Variants in MAPT observed in about 807,000 individuals in gnomAD.
The protein encoded by MAPT is microtubule associated protein tau, also known as microtubule-associated protein tau.
In MAPT, 34 loss-of-function variants were observed where a neutral mutation model predicts 67.9. The ratio of observed to expected loss-of-function variants is 0.50; its 90% CI spans 0.38 to 0.67. MAPT has a LOEUF of 0.67. MAPT is among the 30% of genes least tolerant of loss of function. The pLI, the probability that MAPT is intolerant of heterozygous loss-of-function variation, is 0.00. For synonymous variants in MAPT, 456 were observed against 464.5 expected (o/e 0.98, Z 0.23); for missense variants, 881 against 1,115.2 (o/e 0.79, Z 2.99).
intron 3 of MAPT, among the ~76,000 whole-genome samples, chr17:45,972,381 G>A (rs552718190): frequency 5.6e-4 from 86 of 152,308 alleles, no homozygotes; most frequent in African/African-American, 2.0e-3. Flanking sequence ...TGGGCCTCTG[G>A]ACTTTGGCCA....
chr17:45,978,622 C>G (rs1315646877), intron 4 of MAPT, 182 bp downstream of exon 4: 1 of 593,264 alleles, frequency 1.7e-6, no homozygotes, highest in African/African-American at 1.9e-5. Flanking sequence ...TGGTTTTTTT[C>G]TAATACCATT....
At chr17:45,927,293 G>A (rs2066432820) in intron 1 of MAPT, among the ~76,000 whole-genome samples, 1 of 152,112 alleles carries the variant, frequency 6.6e-6, no homozygotes, top group Admixed American at 6.5e-5. Context: ...TGTTGGGGAA[G>A]GGGGTAGTCG....
At chr17:45,973,226 C>G (rs1271097640) in intron 3 of MAPT, 1 of 152,210 alleles carries the variant, frequency 6.6e-6, no homozygotes, top group Admixed American at 6.5e-5. Flanking sequence ...AGGCATGGGC[C>G]TTGCCGCTGA....
Position 45,982,033 on chromosome 17 carries a change from A to AG in MAPT, c.287-832dup, listed in dbSNP as rs1555705388. 1.5e-3 allele frequency among the ~76,000 whole-genome samples: 216 copies of AG among 145,850 alleles called. 4 individuals are homozygous for AG. The highest frequency in any genetic ancestry group is 5.2e-3 in the African/African-American group (207 of 40,192). On this transcript the variant is annotated intron_variant, in intron 4 of 12. Transcript: ENST00000262410. ...GACCCTGTCTCAAAAAAAAAAAAAA[A>AG]GAAAGAAAGAAAGGAAAAAAAAAAC...
intron 1 of MAPT, among the ~76,000 whole-genome samples, chr17:45,946,635 T>TAC (rs2068544292): frequency 9.6e-5 from 13 of 135,886 alleles, no homozygotes; most frequent in African/African-American, 2.7e-4. Flanking sequence ...TATATATATA[T>TAC]ATATGTCAAA....
At chr17:45,997,860 A>G (rs1568307388) in intron 9 of MAPT, among the ~76,000 whole-genome samples, 1 of 152,110 alleles carries the variant, frequency 6.6e-6, no homozygotes. Flanking sequence ...CCTGTCTCCA[A>G]ATAGAGTCAC....
chr17:45,920,612 C>G (rs543266846), intron 1 of MAPT, among the ~76,000 whole-genome samples: 12 of 152,234 alleles, frequency 7.9e-5, no homozygotes, highest in African/African-American at 2.9e-4. Flanking sequence ...CCTTGACCCT[C>G]CCTGGCCTTC....
intron 1 of MAPT, among the ~76,000 whole-genome samples, chr17:45,928,170 A>T (rs934888440): frequency 3.9e-5 from 6 of 152,136 alleles, no homozygotes; most frequent in African/African-American, 1.2e-4. Context: ...GACAAACAAG[A>T]TCCCAAATTC....
At chr17:46,008,607 T>A (rs1459636706) in intron 9 of MAPT, among the ~76,000 whole-genome samples, 1 of 152,218 alleles carries the variant, frequency 6.6e-6, no homozygotes, top group African/African-American at 2.4e-5. Flanking sequence ...CATAGTCTTT[T>A]GAAGGAACAT....
intron 1 of MAPT, among the ~76,000 whole-genome samples, chr17:45,911,974 C>T (rs2144162104): frequency 6.6e-6 from 1 of 152,256 alleles, no homozygotes; most frequent in East Asian, 1.9e-4. Context: ...AAGCCAAATG[C>T]CTTAGATTCT....
intron 1 of MAPT, among the ~76,000 whole-genome samples, chr17:45,919,902 G>A (rs1272722942): frequency 1.3e-5 from 2 of 152,224 alleles, no homozygotes; most frequent in Admixed American, 6.5e-5. Context: ...AACAGAATGA[G>A]ATCCTGTCTC....
At chr17:45,948,197 G>A (rs1197720929) in intron 1 of MAPT, among the ~76,000 whole-genome samples, 2 of 152,052 alleles carry the variant, frequency 1.3e-5, no homozygotes, top group South Asian at 4.1e-4. Context: ...GTAGAGACAG[G>A]GTTTCTCAAT....
intron 8 of MAPT, chr17:45,994,091 G>T (rs985124431): frequency 2.4e-5 from 24 of 1,009,242 alleles, no homozygotes; most frequent in Non-Finnish European, 3.5e-5. Flanking sequence ...GTTCACACAG[G>T]GTTCGCAGCC....
chr17:45,941,700 T>C (rs796521719), intron 1 of MAPT, among the ~76,000 whole-genome samples: 24 of 82,130 alleles, frequency 2.9e-4, no homozygotes, highest in African/African-American at 4.1e-4. Flanking sequence ...CCTTCCTTCC[T>C]GCCTGCCTTC....
chr17:45,990,174 A>G lies in MAPT; in HGVS notation c.1605+99A>G, dbSNP rs574650133. The G allele has an allele frequency of 1.1e-5, 12 of 1,116,916 alleles. No individual in the cohort carries two copies. In the East Asian group the frequency reaches 2.2e-4, roughly 20 times the overall value. 69.2% of individuals were successfully genotyped at this position (1,116,916 alleles called of 1,614,324 possible). ...TTTTAGCCTCAAAGACCTTTCTTCA[A>G]ATGAGTTCTGGCATAGAAGCACCGT... On this transcript the variant is annotated intron_variant, in intron 7 of 12. Transcript: ENST00000262410.
intron 1 of MAPT, among the ~76,000 whole-genome samples, chr17:45,905,211 C>A (rs2064225151): frequency 6.6e-6 from 1 of 152,176 alleles, no homozygotes; most frequent in Non-Finnish European, 1.5e-5. Flanking sequence ...ATAAACTCAC[C>A]TGAACCTTAT....
intron 9 of MAPT, chr17:45,999,683 G>C (rs748009013): frequency 6.4e-7 from 1 of 1,563,440 alleles, no homozygotes; most frequent in South Asian, 1.2e-5. Flanking sequence ...GCAGATGGGA[G>C]CCCCAGGTTA....
chr17:45,964,352 C>G (rs1024414494), intron 2 of MAPT, among the ~76,000 whole-genome samples: 30 of 111,970 alleles, frequency 2.7e-4, no homozygotes, highest in Non-Finnish European at 4.9e-4. Context: ...TGCTATCCCT[C>G]CCCCCTCCCC....
At chr17:45,976,652 G>C (rs1331040489) in intron 3 of MAPT, 1 of 152,280 alleles carries the variant, frequency 6.6e-6, no homozygotes, top group Non-Finnish European at 1.5e-5. Context: ...GGCCCTCCTG[G>C]CTCTTGTAAA....
Sources: gnomAD v4.1 joint callset for allele counts (sites outside exome capture counted in the v4.1 genomes callset) on GRCh38, gnomAD v4.1.1 for gene constraint, MANE v1.5 for transcripts, NCBI Gene and HGNC (gene_info 2026-07-23, HGNC 2026-07-21) for gene names.